Variants in UGDH observed in about 807,000 individuals in gnomAD.
UGDH encodes the protein UDP-glucose 6-dehydrogenase, also known as UDP-Glc dehydrogenase.
Under a neutral mutation model 50.6 loss-of-function variants are expected in UGDH, and 38 were observed. The ratio of observed to expected loss-of-function variants is 0.75; its 90% CI spans 0.58 to 0.98. The LOEUF (loss-of-function observed/expected upper bound fraction) is 0.98, where lower values mean the gene tolerates loss of function less well. Among genes scored for constraint, UGDH ranks in the 50% least tolerant of loss-of-function variants. The pLI is 0.00. For missense variants in UGDH, 465 were observed against 606.2 expected (o/e 0.77, Z 2.45); for synonymous variants, 168 against 199.9 (o/e 0.84, Z 1.35).
chr4:39,512,755 G>A (rs1288154729), intron 3 of UGDH, among the ~76,000 whole-genome samples: 2 of 151,600 alleles, frequency 1.3e-5, no homozygotes, highest in Non-Finnish European at 2.9e-5. Context: ...GGATGGGTAG[G>A]TAAGTCATAA....
chr4:39,508,608 A>G lies in UGDH; in HGVS notation c.864T>C (p.Cys288=), dbSNP rs1245670871. 3 of 1,609,944 alleles carry G rather than the reference A, an allele frequency of 1.9e-6. No individual in the cohort carries two copies. In the Admixed American group the frequency reaches 5.1e-5, roughly 27 times the overall value. Residue 288 remains cysteine, a synonymous_variant, in exon 7 of 12, where the codon TGT becomes TGC. Coordinates refer to ENST00000316423, the MANE Select transcript of UGDH (RefSeq NM_003359.4). The part of the protein sequence containing the change: ...QKDVLNLVYL[C]EALNLPEVAR... ...CTACTTCTGGCAAATTCAGAGCCTC[A>G]CAGAGATAAACCAAATTCAGAACAT... is the stretch of plus-strand genomic sequence containing the variant.
chr4:39,513,531 C>CTTTT (rs10707997), intron 3 of UGDH, among the ~76,000 whole-genome samples: 41 of 88,028 alleles, frequency 4.7e-4, no homozygotes, highest in Non-Finnish European at 6.2e-4. Flanking sequence ...TTTCCTAGTT[C>CTTTT]TTTTTTTTTT....
chr4:39,513,825 G>A (rs1357733584), intron 3 of UGDH, among the ~76,000 whole-genome samples: 2 of 152,112 alleles, frequency 1.3e-5, no homozygotes, highest in Non-Finnish European at 2.9e-5. Context: ...GTGAGCCACC[G>A]CACCCGCCCA....
chr4:39,506,870 G>A (rs1746048854), intron 7 of UGDH, among the ~76,000 whole-genome samples: 2 of 152,114 alleles, frequency 1.3e-5, no homozygotes, highest in Admixed American at 1.3e-4. Flanking sequence ...TTTAAAATGT[G>A]CATTTCCGGC....
intron 1 of UGDH, chr4:39,526,644 T>C (rs1421367509): frequency 1.1e-5 from 2 of 180,190 alleles, no homozygotes; most frequent in African/African-American, 4.7e-5. Context: ...TATATATTTA[T>C]AGGACGTATA....
rs766757605 is a variant in UGDH, at chr4:39,510,662, T to C, written c.464A>G (p.Gln155Arg). The change falls in exon 4 of 12, where the codon CAG (glutamine) becomes CGG (arginine). Residue 155 changes from glutamine (Q) to arginine (R), a missense_variant and splice_region_variant. Coordinates refer to ENST00000316423, the MANE Select transcript of UGDH (RefSeq NM_003359.4). ...DANTKPNLNL[Q>R]VLSNPEFLAE... ...ATTCTAATGCTTCATTTTTTATACC[T>C]GTAAATTCAAGTTGGGTTTTGTGTT... The C allele has an allele frequency of 4.5e-5, 72 of 1,614,140 alleles. No homozygotes were observed. Among genetic ancestry groups the C allele is most frequent in the Non-Finnish European group, 5.9e-5 (70 of 1,180,052 alleles).
chr4:39,511,864 C>G (rs1344393701), intron 3 of UGDH, among the ~76,000 whole-genome samples: 1 of 151,798 alleles, frequency 6.6e-6, no homozygotes, highest in African/African-American at 2.4e-5. Context: ...TGCGCCACCA[C>G]ACCCGCCTAA....
chr4:39,505,230 G>T lies in UGDH; in HGVS notation c.1171+7C>A, dbSNP rs764427677. The T allele has an allele frequency of 4.4e-6, 7 of 1,586,786 alleles. No homozygotes were observed. Among genetic ancestry groups the T allele is most frequent in the South Asian group, 3.6e-5 (3 of 82,736 alleles). ...CTCAAAATGATTCATGAGACTCAAA[G>T]CCTTACCTTGGTCATCCTCTGAAAC... is the stretch of plus-strand genomic sequence containing the variant. On this transcript the variant is annotated splice_region_variant and intron_variant, in intron 9 of 11. Coordinates refer to ENST00000316423, the MANE Select transcript of UGDH (RefSeq NM_003359.4).
chr4:39,504,611 T>C (rs1745958649), intron 9 of UGDH, 103 bp from the exon 10 acceptor site: 2 of 1,003,790 alleles, frequency 2.0e-6, no homozygotes, highest in South Asian at 1.4e-5. Flanking sequence ...AGACCCCCAG[T>C]AGATGTCTGA....
intron 1 of UGDH, among the ~76,000 whole-genome samples, chr4:39,522,600 C>A (rs547073019): frequency 6.6e-6 from 1 of 152,054 alleles, no homozygotes; most frequent in East Asian, 1.9e-4. Context: ...TCTAAATTTT[C>A]GTTTGGTTCT....
In UGDH at chr4:39,527,271, A is replaced by G. The variant is rs911509633; in HGVS notation, c.-8+12T>C. 2 of 457,782 alleles carry G rather than the reference A, an allele frequency of 4.4e-6. No homozygotes were observed. Among genetic ancestry groups the G allele is most frequent in the Non-Finnish European group, 7.4e-6 (2 of 271,780 alleles). The allele number at this position is 457,782 out of a possible 1,614,324, so 28.4% of individuals were successfully genotyped here. A position where few individuals can be genotyped will look rare whatever the true frequency, so the allele number is the denominator to read the frequency against. ...GCCCGGGCGGCGGGGCCAGCCTGGG[A>G]GCGGCGCTTACCCACTTCCCAGCAG... On this transcript the variant is annotated intron_variant, in intron 1 of 11. Coordinates refer to ENST00000316423, the MANE Select transcript of UGDH (RefSeq NM_003359.4).
chr4:39,514,317 C>G, intron 2 of UGDH, 133 bp from the exon 3 acceptor site: 1 of 720,736 alleles, frequency 1.4e-6, no homozygotes, highest in Non-Finnish European at 2.3e-6. Context: ...GCTCAAATTA[C>G]CTTTGTAGAC....
At chr4:39,526,912 T>C in intron 1 of UGDH, 4 of 793,480 alleles carry the variant, frequency 5.0e-6, no homozygotes, top group Non-Finnish European at 7.2e-6. Flanking sequence ...AACAAAAGAC[T>C]ACGACTCTGC....
chr4:39,508,491 C>T (rs1035336883), intron 7 of UGDH, 75 bp downstream of exon 7: 3 of 1,439,868 alleles, frequency 2.1e-6, no homozygotes, highest in Admixed American at 1.9e-5. Context: ...GCCTTGGCTT[C>T]CTAAAGTGCT....
rs780279904 is a variant in UGDH at position 39,500,239 on chromosome 4, G to A, written c.1389C>T (p.Gly463=). The change falls in exon 12 of 12, where the codon GGC becomes GGT. Residue 463 remains glycine, a synonymous_variant. Coordinates refer to ENST00000316423, the MANE Select transcript of UGDH (RefSeq NM_003359.4). ...GAATTCTCTTTGAAGACACCTTTTT[G>A]CCAATTGTTTCAATCTGAAAAAAAA... ...QTIGFQIETI[G]KKVSSKRIPY... 8.2e-6 allele frequency: 13 copies of A among 1,586,500 alleles called. No homozygotes were observed. In the South Asian group the frequency reaches 1.3e-4, roughly 16 times the overall value.
chr4:39,527,254 GGC>G, intron 1 of UGDH, 27 bp downstream of exon 1: 1 of 606,454 alleles, frequency 1.6e-6, no homozygotes, highest in Non-Finnish European at 2.5e-6. Flanking sequence ...CCGCCCGGGC[GGC>G]GGGGCCAGCC....
At position 39,504,518 on chromosome 4, in the gene UGDH, T is replaced by A. The variant is rs533948065; in HGVS notation, c.1172-10A>T. On this transcript the variant is annotated splice_polypyrimidine_tract_variant and intron_variant, in intron 9 of 11. Coordinates refer to ENST00000316423, the MANE Select transcript of UGDH (RefSeq NM_003359.4). ...GTCACGAGCCGGGACACTGTAACAA[T>A]AGCAACAACAAAAAAACAGAAATAA... is the stretch of plus-strand genomic sequence containing the variant. 2 of 1,610,840 alleles carry A rather than the reference T, an allele frequency of 1.2e-6. No individual in the cohort carries two copies. Among genetic ancestry groups the A allele is most frequent in the South Asian group, 2.2e-5 (2 of 90,752 alleles).
chr4:39,504,479 G>T lies in UGDH; in HGVS notation c.1201C>A (p.Pro401Thr). 2 of 1,613,950 alleles carry T rather than the reference G, an allele frequency of 1.2e-6. No homozygotes were observed. The highest frequency in any genetic ancestry group is 1.7e-6 in the Non-Finnish European group (2 of 1,180,004). ...VSRLVTISKD[P>T]YEACDGAHAV... ...TGGGCACCATCACATGCTTCATATG[G>T]ATCCTTGGAAATGGTCACGAGCCGG... Residue 401 changes from proline (P) to threonine (T), a missense_variant, in exon 10 of 12, where the codon CCA (proline) becomes ACA (threonine). Pro to Thr is a conservative substitution (Grantham distance 38). Coordinates refer to ENST00000316423, the MANE Select transcript of UGDH (RefSeq NM_003359.4).
At chr4:39,518,728 G>A (rs1232749806) in intron 2 of UGDH, among the ~76,000 whole-genome samples, 1 of 151,984 alleles carries the variant, frequency 6.6e-6, no homozygotes, top group Non-Finnish European at 1.5e-5. Context: ...CAAACTGTTG[G>A]GATTACAAGC....
Sources: gnomAD v4.1 joint callset for allele counts (sites outside exome capture counted in the v4.1 genomes callset) on GRCh38, gnomAD v4.1.1 for gene constraint, MANE v1.5 for transcripts, NCBI Gene and HGNC (gene_info 2026-07-23, HGNC 2026-07-21) for gene names.